ABTB3: variants seen among roughly 807,000 people sequenced by gnomAD.
ABTB3 encodes ankyrin repeat- and BTB/POZ domain-containing protein 3.
the ABTB3 span, among the ~76,000 whole-genome samples, chr12:107,384,289 G>T: frequency 0.056 from 8,505 of 152,198 alleles, 323 homozygotes; most frequent in African/African-American, 0.099. Context: ...GTGTGGTTGG[G>T]GTTCCAACTC....
chr12:107,413,817 T>C, the ABTB3 span, among the ~76,000 whole-genome samples: 1 of 152,204 alleles, frequency 6.6e-6, no homozygotes, highest in Admixed American at 6.5e-5. Flanking sequence ...AAATCATTTG[T>C]AAAACTCCCC....
chr12:107,388,273 T>G, the ABTB3 span, among the ~76,000 whole-genome samples: 2 of 151,266 alleles, frequency 1.3e-5, no homozygotes, highest in Admixed American at 6.6e-5. Flanking sequence ...CACCCGGCCC[T>G]TCTTCTTTCT....
the ABTB3 span, among the ~76,000 whole-genome samples, chr12:107,470,498 G>T: frequency 1.6e-4 from 24 of 152,064 alleles, no homozygotes; most frequent in Non-Finnish European, 3.5e-4. Context: ...CCTTTGCCCC[G>T]AGGAGGGCCT....
chr12:107,623,023 G>T, the ABTB3 span, among the ~76,000 whole-genome samples: 1 of 150,066 alleles, frequency 6.7e-6, no homozygotes, highest in Non-Finnish European at 1.5e-5. Context: ...TCATTTTTTT[G>T]AATACATCTG....
chr12:107,647,954 G>C, the ABTB3 span, among the ~76,000 whole-genome samples: 119 of 152,124 alleles, frequency 7.8e-4, 1 homozygote, highest in Non-Finnish European at 2.4e-4. Flanking sequence ...GGACTGAAGG[G>C]ACCATTGAGG....
chr12:107,374,442 A>T, the ABTB3 span, among the ~76,000 whole-genome samples: 48 of 152,090 alleles, frequency 3.2e-4, no homozygotes, highest in African/African-American at 1.1e-3. Context: ...GGACCCTCCC[A>T]CACCAAGTTC....
At chr12:107,423,457 C>T in the ABTB3 span, among the ~76,000 whole-genome samples, 9 of 152,090 alleles carry the variant, frequency 5.9e-5, no homozygotes, top group South Asian at 2.1e-4. Context: ...ACTGAGAGAG[C>T]GGAAAGTCGT....
the ABTB3 span, among the ~76,000 whole-genome samples, chr12:107,469,709 G>A: frequency 6.6e-6 from 1 of 152,110 alleles, no homozygotes; most frequent in African/African-American, 2.4e-5. Flanking sequence ...ACAGTGCCTG[G>A]CACACACGAG....
chr12:107,368,754 A>G, the ABTB3 span, among the ~76,000 whole-genome samples: 1 of 152,150 alleles, frequency 6.6e-6, no homozygotes, highest in African/African-American at 2.4e-5. Flanking sequence ...TTTAACAATC[A>G]ATATTACTCA....
At chr12:107,556,448 A>G in the ABTB3 span, among the ~76,000 whole-genome samples, 6 of 152,192 alleles carry the variant, frequency 3.9e-5, no homozygotes, top group East Asian at 1.2e-3. Flanking sequence ...TATGTAGCTT[A>G]CCCAGGTCAT....
chr12:107,395,250 A>G, the ABTB3 span, among the ~76,000 whole-genome samples: 3 of 152,098 alleles, frequency 2.0e-5, no homozygotes, highest in South Asian at 4.2e-4. Context: ...CTCTGCTAAC[A>G]TTGTCAAAGG....
At chr12:107,546,904 C>T in the ABTB3 span, among the ~76,000 whole-genome samples, 37 of 152,204 alleles carry the variant, frequency 2.4e-4, no homozygotes, top group African/African-American at 8.9e-4. Context: ...TAAAAATCCT[C>T]TGACCAAGGC....
At chr12:107,565,671 G>A in the ABTB3 span, among the ~76,000 whole-genome samples, 5 of 152,062 alleles carry the variant, frequency 3.3e-5, no homozygotes, top group Non-Finnish European at 7.3e-5. Context: ...TTCCTTGGTC[G>A]TGAGCTTTAC....
chr12:107,460,786 C>T, the ABTB3 span, among the ~76,000 whole-genome samples: 2 of 152,208 alleles, frequency 1.3e-5, no homozygotes, highest in Admixed American at 1.3e-4. Flanking sequence ...TGATGTAAGG[C>T]ACTCAGAGAG....
At chr12:107,574,447 G>T in the ABTB3 span, among the ~76,000 whole-genome samples, 1 of 152,194 alleles carries the variant, frequency 6.6e-6, no homozygotes, top group Non-Finnish European at 1.5e-5. Flanking sequence ...TCTCAGCTGG[G>T]TGCGGTGGCT....
At chr12:107,319,982 G>A in the ABTB3 span, 5 of 1,582,470 alleles carry the variant, frequency 3.2e-6, no homozygotes, top group East Asian at 4.8e-5. Flanking sequence ...CAAGTTCACC[G>A]TGGAGACCCT....
At chr12:107,386,513 C>T in the ABTB3 span, among the ~76,000 whole-genome samples, 2 of 152,162 alleles carry the variant, frequency 1.3e-5, no homozygotes, top group Non-Finnish European at 2.9e-5. Flanking sequence ...AAGCCGTCAA[C>T]AGAAGGGAGG....
the ABTB3 span, among the ~76,000 whole-genome samples, chr12:107,378,983 A>G: frequency 6.6e-6 from 1 of 152,204 alleles, no homozygotes; most frequent in East Asian, 1.9e-4. Flanking sequence ...TTTTGCTCAC[A>G]GCAGCAGGCA....
At chr12:107,342,085 G>A in the ABTB3 span, among the ~76,000 whole-genome samples, 2 of 152,166 alleles carry the variant, frequency 1.3e-5, no homozygotes, top group South Asian at 2.1e-4. Context: ...AGCCTAACAC[G>A]GGAGACCTCC....
Sources: allele counts gnomAD v4.1 joint callset (sites outside exome capture counted in the v4.1 genomes callset), GRCh38; gene constraint gnomAD v4.1.1; transcripts MANE v1.5; gene names NCBI Gene and HGNC (gene_info 2026-07-23, HGNC 2026-07-21).